The following COL27A1 variants were observed in gnomAD, a reference collection of about 807,000 sequenced individuals.
COL27A1 encodes collagen type XXVII alpha 1 chain.
COL27A1 carries 106 observed loss-of-function variants against 251.3 expected under a neutral mutation model. The ratio of observed to expected loss-of-function variants is 0.42; its 90% CI spans 0.36 to 0.50. The LOEUF is 0.50. Among genes scored for constraint, COL27A1 ranks in the 20% least tolerant of loss-of-function variants. The pLI is 0.00. For synonymous variants in COL27A1, 1,000 were observed against 986.3 expected (o/e 1.01, Z -0.26); for missense variants, 2,325 against 2,522.8 (o/e 0.92, Z 1.68).
Position 114,304,742 on chromosome 9 carries a change from TG to T in COL27A1, c.4938+70del. Reference sequence around the variant, plus strand: ...AAACGCAAATAGATAATGGCCCACATGTGGTCAGTGCCTTCCATGTGGCCTG... The same window carrying T: ...AAACGCAAATAGATAATGGCCCACATTGGTCAGTGCCTTCCATGTGGCCTG... On this transcript the variant is annotated intron_variant, in intron 57 of 60. Coordinates refer to ENST00000356083, the MANE Select transcript of COL27A1 (RefSeq NM_032888.4). 2.9e-6 allele frequency: 4 copies of T among 1,356,992 alleles called. No homozygotes were observed. In the South Asian group the frequency reaches 4.7e-5, roughly 16 times the overall value. 84.1% of individuals were successfully genotyped at this position (1,356,992 alleles called of 1,614,324 possible).
intron 37 of COL27A1, among the ~76,000 whole-genome samples, chr9:114,279,679 A>C (rs1200059579): frequency 1.2e-5 from 1 of 86,462 alleles, no homozygotes; most frequent in African/African-American, 3.7e-5. Flanking sequence ...TTTCTATAAC[A>C]ATTAAATTAA....
intron 28 of COL27A1, among the ~76,000 whole-genome samples, chr9:114,262,046 T>C (rs573558766): frequency 6.6e-6 from 1 of 152,274 alleles, no homozygotes; most frequent in Non-Finnish European, 1.5e-5. Flanking sequence ...GAGCTATCCC[T>C]TTCTAGGGAG....
At chr9:114,254,513 A>C (rs1241993988) in intron 27 of COL27A1, among the ~76,000 whole-genome samples, 2 of 150,924 alleles carry the variant, frequency 1.3e-5, no homozygotes, top group East Asian at 3.9e-4. Context: ...GCCCAGTCCG[A>C]GGTGGGCTTG....
At chr9:114,288,612 G>T (rs2131616692) in intron 42 of COL27A1, 90 bp from the exon 43 acceptor site, 2 of 1,543,978 alleles carry the variant, frequency 1.3e-6, no homozygotes, top group Non-Finnish European at 1.8e-6. Flanking sequence ...AGGTCCCTGA[G>T]AGCTCCGCAG....
At chr9:114,211,222 G>A (rs1830340364) in intron 12 of COL27A1, among the ~76,000 whole-genome samples, 196 bp downstream of exon 12, 1 of 152,242 alleles carries the variant, frequency 6.6e-6, no homozygotes, top group Non-Finnish European at 1.5e-5. Context: ...TGGGGCTGGG[G>A]CTTCCATGGG....
At chr9:114,301,652 G>A (rs201803208) in intron 54 of COL27A1, 30 bp from the exon 55 acceptor site, 1,840 of 1,593,620 alleles carry the variant, frequency 1.2e-3, no homozygotes, top group Non-Finnish European at 1.4e-3. Context: ...CTGTGGACCA[G>A]GGCTCACTCT....
At chr9:114,281,052 C>T (rs1783992142) in intron 37 of COL27A1, among the ~76,000 whole-genome samples, 1 of 152,228 alleles carries the variant, frequency 6.6e-6, no homozygotes, top group African/African-American at 2.4e-5. Context: ...GTCAGTGCCT[C>T]TTCTTAAAGT....
intron 4 of COL27A1, among the ~76,000 whole-genome samples, chr9:114,181,740 C>T (rs541500537): frequency 5.3e-5 from 8 of 152,294 alleles, no homozygotes; most frequent in East Asian, 3.9e-4. Context: ...CAGCTGTTAT[C>T]GGGGAACTTG....
intron 59 of COL27A1, among the ~76,000 whole-genome samples, chr9:114,308,282 G>A (rs979887774): frequency 1.3e-5 from 2 of 152,178 alleles, no homozygotes; most frequent in South Asian, 2.1e-4. Context: ...CAGCTCCCTC[G>A]CCCAGGGATC....
intron 7 of COL27A1, among the ~76,000 whole-genome samples, chr9:114,203,587 C>T (rs1829722828): frequency 6.6e-6 from 1 of 152,198 alleles, no homozygotes. Context: ...CATCAATCTC[C>T]ATAGGCCCCT....
At chr9:114,306,470 G>T in intron 57 of COL27A1, 50 bp from the exon 58 acceptor site, 4 of 1,597,556 alleles carry the variant, frequency 2.5e-6, no homozygotes, top group Non-Finnish European at 3.4e-6. Context: ...TTGAACCCCA[G>T]GCTGGACCAG....
chr9:114,206,396 C>A, intron 10 of COL27A1, 100 bp downstream of exon 10: 1 of 1,219,718 alleles, frequency 8.2e-7, no homozygotes, highest in Non-Finnish European at 1.2e-6. Context: ...TAAGGAGAGC[C>A]AAGGCCCTCC....
chr9:114,217,254 G>T (rs1232873712), intron 12 of COL27A1, among the ~76,000 whole-genome samples: 2 of 152,174 alleles, frequency 1.3e-5, no homozygotes, highest in Non-Finnish European at 2.9e-5. Flanking sequence ...ATACCTCAGA[G>T]ACATTCCCTC....
chr9:114,233,508 T>TG, intron 16 of COL27A1, among the ~76,000 whole-genome samples: 1 of 152,332 alleles, frequency 6.6e-6, no homozygotes, highest in Admixed American at 6.5e-5. Context: ...GGCTTTCTGA[T>TG]GGAGGCAGGG....
chr9:114,267,394 A>G, intron 33 of COL27A1, 110 bp from the exon 34 acceptor site: 1 of 856,996 alleles, frequency 1.2e-6, no homozygotes, highest in South Asian at 1.7e-5. Context: ...CATCTCTTGC[A>G]CTGTGTGACC....
intron 55 of COL27A1, 75 bp downstream of exon 55, chr9:114,301,792 A>C: frequency 7.0e-7 from 1 of 1,424,952 alleles, no homozygotes; most frequent in South Asian, 1.2e-5. Flanking sequence ...CTTCACCGGC[A>C]GACTAAGCCT....
rs1827793834 is a variant in COL27A1, at chr9:114,290,006, G to T, written c.4207-52G>T. ...CAGTCCCTCCTTCCAGAGCCCCTAG[G>T]GTCCCACACCTCTACCAGGCAGCCT... On this transcript the variant is annotated intron_variant, in intron 45 of 60. Coordinates refer to ENST00000356083, the MANE Select transcript of COL27A1 (RefSeq NM_032888.4). This position sits in a 1 kb window ranked among gnomAD's most constrained non-coding sequence, Gnocchi z 4.6. 6.3e-7 allele frequency: 1 copy of T among 1,594,490 alleles called. No individual in the cohort carries two copies. The highest frequency in any genetic ancestry group is 1.3e-5 in the African/African-American group (1 of 74,498).
chr9:114,300,996 T>C, intron 51 of COL27A1, 76 bp from the exon 52 acceptor site: 1 of 1,430,176 alleles, frequency 7.0e-7, no homozygotes, highest in East Asian at 2.3e-5. Context: ...ACGCTCGGGC[T>C]GCCCTCCACC....
At chr9:114,180,165 T>C (rs1253669047) in intron 4 of COL27A1, among the ~76,000 whole-genome samples, 1 of 152,078 alleles carries the variant, frequency 6.6e-6, no homozygotes, top group African/African-American at 2.4e-5. Flanking sequence ...TAAGCATCTA[T>C]TGTGCTTATT....
Sources: allele counts gnomAD v4.1 joint callset (sites outside exome capture counted in the v4.1 genomes callset), GRCh38; gene constraint gnomAD v4.1.1; non-coding constraint Gnocchi (gnomAD v3.1); transcripts MANE v1.5; gene names NCBI Gene and HGNC (gene_info 2026-07-23, HGNC 2026-07-21).